SLC18A1: variants seen among roughly 807,000 people sequenced by gnomAD.
The protein encoded by SLC18A1 is solute carrier family 18 member A1.
SLC18A1 carries 69 observed loss-of-function variants against 53.7 expected under a neutral mutation model. That is an observed-to-expected ratio of 1.28 (90% CI 1.06 to 1.57). The LOEUF (loss-of-function observed/expected upper bound fraction) is 1.57. Among genes scored for constraint, SLC18A1 ranks in the 40% most tolerant of loss-of-function variants. The pLI is 0.00. For synonymous variants in SLC18A1, 320 were observed against 248.1 expected (o/e 1.29, Z -2.72); for missense variants, 932 against 668.1 (o/e 1.40, Z -4.35).
At chr8:20,156,420 G>T (rs1010993019) in intron 10 of SLC18A1, among the ~76,000 whole-genome samples, 1 of 152,054 alleles carries the variant, frequency 6.6e-6, no homozygotes, top group Non-Finnish European at 1.5e-5. Flanking sequence ...ACGAAGGTCT[G>T]ACCAGACTCA....
intron 12 of SLC18A1, among the ~76,000 whole-genome samples, chr8:20,149,017 A>T (rs944090491): frequency 2.6e-5 from 4 of 152,000 alleles, no homozygotes; most frequent in African/African-American, 9.7e-5. Flanking sequence ...TGGAACCCGG[A>T]TCCCATGCTC....
intron 15 of SLC18A1, among the ~76,000 whole-genome samples, chr8:20,146,336 G>A (rs2071396980): frequency 6.6e-6 from 1 of 152,264 alleles, no homozygotes; most frequent in African/African-American, 2.4e-5. Flanking sequence ...ACATGCACCA[G>A]CCTCCCGGGG....
chr8:20,153,961 G>A (rs138907378), intron 10 of SLC18A1, among the ~76,000 whole-genome samples: 1 of 152,158 alleles, frequency 6.6e-6, no homozygotes, highest in African/African-American at 2.4e-5. Flanking sequence ...TGGGTCATGG[G>A]AATGAATCCC....
intron 10 of SLC18A1, 65 bp from the exon 11 acceptor site, chr8:20,150,809 T>C: frequency 1.4e-6 from 2 of 1,385,200 alleles, no homozygotes; most frequent in Non-Finnish European, 1.0e-6. Context: ...CCTTGTCTCG[T>C]ACAAGACACT....
Position 20,168,634 on chromosome 8 carries a change from C to T in SLC18A1, c.858+2469G>A, listed in dbSNP as rs148890931. 5.8e-3 allele frequency among the ~76,000 whole-genome samples: 877 copies of T among 151,490 alleles called. 10 individuals are homozygous for T. Among genetic ancestry groups the T allele is most frequent in the African/African-American group, 0.02 (838 of 40,904 alleles). ...TTACTTTGTCACCCAGGCTGGAGTGCAGTGGCTTACTGCAACCTCCGCCTC... is the reference window on the plus strand; with the variant it reads ...TTACTTTGTCACCCAGGCTGGAGTGTAGTGGCTTACTGCAACCTCCGCCTC... On this transcript the variant is annotated intron_variant, in intron 8 of 15. Transcript: ENST00000276373.
At chr8:20,164,748 G>A (rs2071911489) in intron 10 of SLC18A1, 121 bp downstream of exon 10, 2 of 710,664 alleles carry the variant, frequency 2.8e-6, no homozygotes, top group African/African-American at 1.8e-5. Context: ...ATTCATGGGT[G>A]TGGACGTGGG....
chr8:20,165,257 G>T, intron 8 of SLC18A1, 150 bp from the exon 9 acceptor site: 2 of 697,340 alleles, frequency 2.9e-6, no homozygotes, highest in Middle Eastern at 3.3e-4. Context: ...TACAGGGAGA[G>T]AAAGTGACTT....
At chr8:20,163,935 G>C (rs1235400018) in intron 10 of SLC18A1, among the ~76,000 whole-genome samples, 1 of 152,142 alleles carries the variant, frequency 6.6e-6, no homozygotes, top group East Asian at 1.9e-4. Flanking sequence ...TGAGTGGTCA[G>C]AGCCTTAGGG....
chr8:20,162,336 A>G (rs901103409), intron 10 of SLC18A1, among the ~76,000 whole-genome samples: 2 of 152,134 alleles, frequency 1.3e-5, no homozygotes, highest in African/African-American at 4.8e-5. Context: ...TATCCACACT[A>G]ATCACTTTAG....
chr8:20,157,274 G>C (rs145435835), intron 10 of SLC18A1, among the ~76,000 whole-genome samples: 6 of 152,268 alleles, frequency 3.9e-5, no homozygotes, highest in African/African-American at 1.4e-4. Flanking sequence ...TGCTAGATCA[G>C]ACACTAACCC....
chr8:20,178,388 T>A (rs2128880092), intron 4 of SLC18A1, 47 bp downstream of exon 4: 1 of 1,481,610 alleles, frequency 6.7e-7, no homozygotes, highest in South Asian at 1.2e-5. Context: ...CTTGATAAAA[T>A]CAAAGGTAAT....
chr8:20,160,383 C>A (rs2071795575), intron 10 of SLC18A1, among the ~76,000 whole-genome samples: 1 of 150,612 alleles, frequency 6.6e-6, no homozygotes, highest in East Asian at 1.9e-4. Context: ...TTCTTTAGGA[C>A]CTGATTATAG....
At chr8:20,168,549 G>A (rs912828887) in intron 8 of SLC18A1, among the ~76,000 whole-genome samples, 6 of 152,090 alleles carry the variant, frequency 3.9e-5, no homozygotes, top group African/African-American at 1.2e-4. Flanking sequence ...TATAAAGAGA[G>A]TAAGAAAGGA....
At position 20,174,418 on chromosome 8, in the gene SLC18A1, G is replaced by C. The variant is rs1453768850; in HGVS notation, c.574C>G (p.Leu192Val). 24 of 1,613,886 alleles carry C rather than the reference G, an allele frequency of 1.5e-5. No individual in the cohort carries two copies. The highest frequency in any genetic ancestry group is 2.0e-5 in the Non-Finnish European group (24 of 1,179,918). The change falls in exon 5 of 16, where the codon CTA (leucine) becomes GTA (valine). Residue 192 changes from leucine (L) to valine (V), a missense_variant. Physicochemically the swap from Leu to Val is conservative, Grantham distance 32. Transcript: ENST00000276373. ...TGAAGGGTTCGGGCCACAAAGAGTA[G>C]AGTATAGGTCCCAGAAAAAGCAAAC... ...VMFAFSGTYT[L>V]LFVARTLQGI...
Position 20,145,085 on chromosome 8 carries a change from A to C in SLC18A1, c.*678T>G, listed in dbSNP as rs911648669. 3 of 152,172 alleles carry C rather than the reference A, an allele frequency of 2.0e-5. No homozygotes were observed. The highest frequency in any genetic ancestry group is 4.4e-5 in the Non-Finnish European group (3 of 68,042). 9.4% of individuals were successfully genotyped at this position (152,172 alleles called of 1,614,324 possible). A position where few individuals can be genotyped will look rare whatever the true frequency, so the allele number is the denominator to read the frequency against. On this transcript the variant is annotated 3_prime_UTR_variant, in exon 16 of 16. Coordinates refer to ENST00000276373, the MANE Select transcript of SLC18A1 (RefSeq NM_003053.4). ...CACAGGGGAGGTCAGGAGAATGTCA[A>C]TAACTCCAGCAGAAGAGAAATGGGC...
intron 10 of SLC18A1, among the ~76,000 whole-genome samples, chr8:20,158,681 A>T (rs28873390): frequency 0.012 from 1,885 of 152,136 alleles, 39 homozygotes; most frequent in African/African-American, 0.044. Flanking sequence ...GAGTCCAGAA[A>T]CCCAACGGAC....
At chr8:20,170,836 T>TATAG (rs57375699) in intron 8 of SLC18A1, among the ~76,000 whole-genome samples, 78,923 of 151,230 alleles carry the variant, frequency 0.52, 21,135 homozygotes, top group Non-Finnish European at 0.58. Flanking sequence ...GTGTCGAATA[T>TATAG]ATAGATAGAT....
intron 1 of SLC18A1, among the ~76,000 whole-genome samples, chr8:20,182,528 T>G (rs2072455360): frequency 6.6e-6 from 1 of 152,232 alleles, no homozygotes; most frequent in Admixed American, 6.5e-5. Flanking sequence ...TTCAGTTATC[T>G]TCTGTGTATT....
chr8:20,179,501 A>C lies in SLC18A1; in HGVS notation c.125-17T>G. ...CAATTGGCACTGAAAGTCAAAGAGGACAGGTGATGGGGGCTAAGGACCGAT... is the reference window on the plus strand; with the variant it reads ...CAATTGGCACTGAAAGTCAAAGAGGCCAGGTGATGGGGGCTAAGGACCGAT... On this transcript the variant is annotated splice_polypyrimidine_tract_variant and intron_variant, in intron 2 of 15. Coordinates refer to ENST00000276373, the MANE Select transcript of SLC18A1 (RefSeq NM_003053.4). 1 of 1,597,390 alleles carries C rather than the reference A, an allele frequency of 6.3e-7. No individual in the cohort carries two copies. The highest frequency in any genetic ancestry group is 8.5e-7 in the Non-Finnish European group (1 of 1,170,610).
Sources: gnomAD v4.1 joint callset for allele counts (sites outside exome capture counted in the v4.1 genomes callset) on GRCh38, gnomAD v4.1.1 for gene constraint, MANE v1.5 for transcripts, NCBI Gene and HGNC (gene_info 2026-07-23, HGNC 2026-07-21) for gene names.